HPSE2: variants seen among roughly 807,000 people sequenced by gnomAD.
The protein encoded by HPSE2 is heparanase 2 (inactive), also known as inactive heparanase-2.
A neutral mutation model predicts 60.5 loss-of-function variants in HPSE2; 38 were observed. The ratio of observed to expected loss-of-function variants is 0.63; its 90% CI spans 0.48 to 0.82. The LOEUF is 0.82. Among genes scored for constraint, HPSE2 ranks in the 40% least tolerant of loss-of-function variants. The probability of loss-of-function intolerance (pLI) is 0.00; values close to 1 mark genes in which losing one functional copy is unlikely to be tolerated. For missense variants in HPSE2, 713 were observed against 740.4 expected, an observed-to-expected ratio of 0.96 and a Z score of 0.43; for synonymous variants, 295 against 293.2, an observed-to-expected ratio of 1.01 and a Z score of -0.06.
At chr10:99,262,349 G>A in the HPSE2 span, among the ~76,000 whole-genome samples, 9 of 152,172 alleles carry the variant, frequency 5.9e-5, no homozygotes, top group East Asian at 9.7e-4. Context: ...CCCTTGTTAC[G>A]TTGAGACATT....
At chr10:98,774,037 ATG>A (rs1456447207) in intron 3 of HPSE2, among the ~76,000 whole-genome samples, 2 of 152,160 alleles carry the variant, frequency 1.3e-5, no homozygotes, top group Non-Finnish European at 2.9e-5. Context: ...GCACTCCAGT[ATG>A]GGTGACGGAG....
chr10:98,492,200 C>T lies in HPSE2; in HGVS notation c.1321-2004G>A, dbSNP rs1377463739. Among the ~76,000 whole-genome samples the T allele has an allele frequency of 2.6e-5, 4 of 152,194 alleles. No homozygotes were observed. In the East Asian group the frequency reaches 7.7e-4, roughly 29 times the overall value. On this transcript the variant is annotated intron_variant, in intron 9 of 11. Coordinates refer to ENST00000370552, the MANE Select transcript of HPSE2 (RefSeq NM_021828.5). ...GAGACATGTTTGTAAGCAAGCCACT[C>T]ACATTTGGAAAAAAGAGATATTATG...
At chr10:99,204,461 A>C (rs919811932) in intron 2 of HPSE2, among the ~76,000 whole-genome samples, 7 of 152,256 alleles carry the variant, frequency 4.6e-5, no homozygotes, top group African/African-American at 1.7e-4. Context: ...CCTACTTCAC[A>C]AAATGCACAG....
intron 9 of HPSE2, among the ~76,000 whole-genome samples, chr10:98,545,270 T>C (rs1238701963): frequency 1.3e-5 from 2 of 151,674 alleles, no homozygotes; most frequent in Non-Finnish European, 1.5e-5. Context: ...TTCCAATCAA[T>C]AGAAAAAGAA....
intron 9 of HPSE2, among the ~76,000 whole-genome samples, chr10:98,572,138 A>T (rs980193605): frequency 3.3e-5 from 5 of 151,698 alleles, no homozygotes; most frequent in African/African-American, 1.2e-4. Context: ...ATGAGGTTTC[A>T]CTATGTTGGC....
intron 3 of HPSE2, among the ~76,000 whole-genome samples, chr10:98,845,180 G>A (rs1195555819): frequency 1.3e-5 from 2 of 152,172 alleles, no homozygotes; most frequent in Non-Finnish European, 2.9e-5. Flanking sequence ...GAGAGTTGGT[G>A]AAAGAAATAA....
rs116300700 is a variant in HPSE2, at chr10:98,564,936, C to G, written c.1320+49968G>C. On this transcript the variant is annotated intron_variant, in intron 9 of 11. Transcript: ENST00000370552. ...GGATGGGACAAAATCCAAACTGGGA[C>G]AATTCTGGACAAACTAGGACACACA... is the stretch of plus-strand genomic sequence containing the variant. Among the ~76,000 whole-genome samples, 253 of 152,212 alleles carry G rather than the reference C, an allele frequency of 1.7e-3. 1 individual carries two copies. The highest frequency in any genetic ancestry group is 5.9e-3 in the African/African-American group (246 of 41,520).
chr10:98,918,652 G>A (rs1954192770), intron 3 of HPSE2, among the ~76,000 whole-genome samples: 1 of 136,678 alleles, frequency 7.3e-6, no homozygotes. Flanking sequence ...ACACAGGATG[G>A]GGAACATCAC....
intron 11 of HPSE2, among the ~76,000 whole-genome samples, chr10:98,471,490 G>C (rs186722951): frequency 6.6e-6 from 1 of 152,110 alleles, no homozygotes; most frequent in African/African-American, 2.4e-5. Context: ...AATTTATTTC[G>C]AATAAAAAGA....
chr10:98,656,082 G>GTTTT (rs34294462), intron 6 of HPSE2, among the ~76,000 whole-genome samples: 2 of 140,846 alleles, frequency 1.4e-5, no homozygotes, highest in Admixed American at 7.1e-5. Context: ...TCCTATTTGA[G>GTTTT]TTTTTTTTTT....
chr10:99,055,072 A>C (rs1394351411), intron 3 of HPSE2, among the ~76,000 whole-genome samples: 1 of 152,206 alleles, frequency 6.6e-6, no homozygotes, highest in Non-Finnish European at 1.5e-5. Flanking sequence ...CAGATACATA[A>C]GAAACATATA....
intron 3 of HPSE2, among the ~76,000 whole-genome samples, chr10:99,019,417 T>C (rs1268410473): frequency 6.6e-6 from 1 of 152,228 alleles, no homozygotes; most frequent in Non-Finnish European, 1.5e-5. Flanking sequence ...CAACCCTTTA[T>C]GGAAGCCCCC....
At chr10:98,778,562 C>G (rs1462513789) in intron 3 of HPSE2, among the ~76,000 whole-genome samples, 1 of 151,998 alleles carries the variant, frequency 6.6e-6, no homozygotes, top group Non-Finnish European at 1.5e-5. Flanking sequence ...ATCAACCACA[C>G]TGAGAAACTG....
chr10:98,755,336 A>T (rs551824856), intron 3 of HPSE2, among the ~76,000 whole-genome samples: 1 of 152,350 alleles, frequency 6.6e-6, no homozygotes, highest in East Asian at 1.9e-4. Flanking sequence ...TCCTAAACAT[A>T]TATGCACTCA....
At chr10:98,482,910 T>A in intron 10 of HPSE2, 128 bp from the exon 11 acceptor site, 1 of 927,180 alleles carries the variant, frequency 1.1e-6, no homozygotes, top group Non-Finnish European at 1.7e-6. Context: ...TTGGCCACCA[T>A]AGACCCTAAA....
At chr10:99,120,507 CT>C (rs1844907549) in intron 3 of HPSE2, among the ~76,000 whole-genome samples, 1 of 149,548 alleles carries the variant, frequency 6.7e-6, no homozygotes, top group Non-Finnish European at 1.5e-5. Flanking sequence ...GAGTTTCACT[CT>C]TGTTGCCCAG....
At chr10:98,997,115 T>TTC (rs1180553392) in intron 3 of HPSE2, among the ~76,000 whole-genome samples, 3 of 142,676 alleles carry the variant, frequency 2.1e-5, no homozygotes, top group Non-Finnish European at 4.6e-5. Context: ...ACCCTTTCTT[T>TTC]TTTTTTTTTT....
intron 6 of HPSE2, among the ~76,000 whole-genome samples, chr10:98,658,804 A>G (rs939257907): frequency 1.3e-5 from 2 of 152,340 alleles, no homozygotes; most frequent in Middle Eastern, 6.8e-3. Flanking sequence ...TTGGGCCAGA[A>G]GATAATGAAA....
At chr10:98,762,358 A>C (rs919021360) in intron 3 of HPSE2, among the ~76,000 whole-genome samples, 2 of 152,002 alleles carry the variant, frequency 1.3e-5, no homozygotes, top group African/African-American at 4.8e-5. Flanking sequence ...AGAAGTGAGG[A>C]AAAGTCTCTT....
Sources: gnomAD v4.1 joint callset for allele counts (sites outside exome capture counted in the v4.1 genomes callset) on GRCh38, gnomAD v4.1.1 for gene constraint, MANE v1.5 for transcripts, NCBI Gene and HGNC (gene_info 2026-07-23, HGNC 2026-07-21) for gene names.